ANKRD36C: variants seen among roughly 807,000 people sequenced by gnomAD.
The protein encoded by ANKRD36C is ankyrin repeat domain-containing protein 36C.
Under a neutral mutation model 276.4 loss-of-function variants are expected in ANKRD36C, and 61 were observed. That is an observed-to-expected ratio of 0.22 (90% confidence interval 0.18 to 0.27). The LOEUF (loss-of-function observed/expected upper bound fraction) is 0.27, where lower values mean the gene tolerates loss of function less well. Among genes scored for constraint, ANKRD36C ranks in the 10% least tolerant of loss-of-function variants. The probability of loss-of-function intolerance (pLI) is 1.00; values close to 1 mark genes in which losing one functional copy is unlikely to be tolerated. For missense variants in ANKRD36C, 1,447 were observed against 2,032.3 expected, an observed-to-expected ratio of 0.71 and a Z score of 5.54; for synonymous variants, 483 against 680.1, an observed-to-expected ratio of 0.71 and a Z score of 4.51.
chr2:95,981,963 A>G (rs1376102037), intron 4 of ANKRD36C, among the ~76,000 whole-genome samples: 1 of 152,188 alleles, frequency 6.6e-6, no homozygotes, highest in Non-Finnish European at 1.5e-5. Flanking sequence ...ACCACATCAT[A>G]CTATAAATAA....
rs1415445893 is a variant in ANKRD36C, at chr2:95,906,512, G to C, written c.2653+5732C>G. The C allele has an allele frequency of 1.4e-5, 4 of 288,410 alleles. 1 individual carries two copies. The highest frequency in any genetic ancestry group is 1.2e-4 in the African/African-American group (4 of 34,358). The allele number at this position is 288,410 out of a possible 1,614,324, so 17.9% of individuals were successfully genotyped here. ...AACCCAAGAACTTATTAGAAATGAA[G>C]AATCTCAGGCCTACTGAATCAGAAT... On this transcript the variant is annotated intron_variant, in intron 42 of 66. Transcript: ENST00000456556.
chr2:95,895,665 G>C (rs1316052702), intron 44 of ANKRD36C, 75 bp from the exon 61 acceptor site: 2 of 1,563,152 alleles, frequency 1.3e-6, no homozygotes, highest in Admixed American at 1.8e-5. Flanking sequence ...CACAGTGTTA[G>C]CATCAACCTC....
intron 44 of ANKRD36C, 26 bp from the exon 60 acceptor site, chr2:95,897,368 T>G: frequency 6.4e-7 from 1 of 1,554,582 alleles, no homozygotes; most frequent in Non-Finnish European, 8.7e-7. Context: ...AATGAAATAA[T>G]AAATTAATAA....
intron 44 of ANKRD36C, among the ~76,000 whole-genome samples, chr2:95,894,585 G>C (rs914772395): frequency 1.3e-5 from 2 of 151,338 alleles, no homozygotes; most frequent in African/African-American, 2.4e-5. Context: ...GCCTTGTTGG[G>C]AGTATCATGT....
intron 42 of ANKRD36C, chr2:95,902,908 C>A: frequency 1.3e-6 from 2 of 1,585,976 alleles, no homozygotes; most frequent in Non-Finnish European, 1.7e-6. Context: ...TTTCTCCATA[C>A]TTTTTTCCTC....
intron 6 of ANKRD36C, among the ~76,000 whole-genome samples, chr2:95,962,951 C>G (rs201820215): frequency 1.5e-5 from 2 of 129,870 alleles, no homozygotes; most frequent in Non-Finnish European, 3.4e-5. Context: ...GGAAATACAC[C>G]ATTATACTAC....
intron 1 of ANKRD36C, among the ~76,000 whole-genome samples, chr2:95,990,107 A>G (rs1679107418): frequency 6.6e-6 from 1 of 152,196 alleles, no homozygotes; most frequent in Non-Finnish European, 1.5e-5. Flanking sequence ...ATAAACATGA[A>G]TCAATATAAG....
At chr2:95,957,735 T>A (rs1370022509) in intron 12 of ANKRD36C, among the ~76,000 whole-genome samples, 1 of 152,254 alleles carries the variant, frequency 6.6e-6, no homozygotes, top group Non-Finnish European at 1.5e-5. Flanking sequence ...ATTAAAGAAT[T>A]TAACATTATT....
Position 95,903,088 on chromosome 2 carries a change from A to T in ANKRD36C, c.2654-3752T>A. 6.4e-7 allele frequency: 1 copy of T among 1,563,430 alleles called. No homozygotes were observed. Among genetic ancestry groups the T allele is most frequent in the Non-Finnish European group, 8.7e-7 (1 of 1,153,170 alleles). ...GGTGGTTGCTCTGAAGACACTGAAA[A>T]GTAAAAGGGATTCATAATCACTCAT... On this transcript the variant is annotated intron_variant, in intron 42 of 66. Transcript: ENST00000456556.
chr2:95,876,078 C>G (rs971392675), intron 59 of ANKRD36C: 8 of 350,324 alleles, frequency 2.3e-5, no homozygotes, highest in African/African-American at 1.7e-4. Flanking sequence ...CTCCTTTAAT[C>G]TGAATCCAGT....
chr2:95,888,196 C>T, intron 48 of ANKRD36C, 76 bp from the exon 69 acceptor site: 1 of 1,595,614 alleles, frequency 6.3e-7, no homozygotes, highest in Non-Finnish European at 8.5e-7. Flanking sequence ...GCACTGTTGG[C>T]ATCAAGATGT....
At chr2:95,963,974 T>TAA (rs1558658630) in intron 6 of ANKRD36C, among the ~76,000 whole-genome samples, 213 of 31,752 alleles carry the variant, frequency 6.7e-3, no homozygotes, top group Admixed American at 0.015. Context: ...TATATATAAA[T>TAA]ATATATATAT....
intron 26 of ANKRD36C, among the ~76,000 whole-genome samples, chr2:95,928,796 A>C (rs1315309358): frequency 6.6e-6 from 1 of 151,426 alleles, no homozygotes; most frequent in Non-Finnish European, 1.5e-5. Context: ...ATTAAAGCAA[A>C]ATTATGCTGC....
chr2:95,876,645 A>G (rs1675961531), intron 58 of ANKRD36C, 133 bp from the exon 79 acceptor site: 1 of 613,794 alleles, frequency 1.6e-6, no homozygotes, highest in East Asian at 3.3e-5. Flanking sequence ...AGGTCAGGAG[A>G]TCGAGACCAT....
rs200418948 is a variant in ANKRD36C at position 95,889,724 on chromosome 2, C to A, written c.2959+75G>T. 18 of 1,508,794 alleles carry A rather than the reference C, an allele frequency of 1.2e-5. No individual in the cohort carries two copies. In the East Asian group the frequency reaches 3.5e-4, roughly 29 times the overall value. 93.5% of individuals were successfully genotyped at this position (1,508,794 alleles called of 1,614,324 possible). A position where few individuals can be genotyped will look rare whatever the true frequency, so the allele number is the denominator to read the frequency against. ...GAACATGAAGATTTGACGAACCCCC[C>A]GCTGCTTTATTTGGTGAAGAGAAGA... On this transcript the variant is annotated intron_variant, in intron 48 of 66. Coordinates refer to ENST00000456556, the Ensembl canonical transcript of ANKRD36C.
Position 95,941,233 on chromosome 2 carries a change from A to G in ANKRD36C, c.1492-34T>C, listed in dbSNP as rs185635922. Reference sequence around the variant, plus strand: ...AAAAAAAAAAAGAAATCTTCAGAAAATGTTATATTTACTACTCAATCGGTC... The same window carrying G: ...AAAAAAAAAAAGAAATCTTCAGAAAGTGTTATATTTACTACTCAATCGGTC... On this transcript the variant is annotated intron_variant, in intron 19 of 66. Transcript: ENST00000456556. 44 of 1,473,190 alleles carry G rather than the reference A, an allele frequency of 3.0e-5. No homozygotes were observed. In the East Asian group the frequency reaches 9.3e-4, roughly 31 times the overall value. 91.3% of individuals were successfully genotyped at this position (1,473,190 alleles called of 1,614,324 possible).
chr2:95,982,038 T>G (rs543934934), intron 4 of ANKRD36C, among the ~76,000 whole-genome samples: 20 of 152,166 alleles, frequency 1.3e-4, no homozygotes, highest in African/African-American at 4.1e-4. Context: ...AATGTCTATA[T>G]AGAGAGATGA....
chr2:95,910,761 T>TTTCATGGA (rs1227180956), intron 42 of ANKRD36C, among the ~76,000 whole-genome samples, 193 bp from the exon 45 acceptor site: 2 of 151,384 alleles, frequency 1.3e-5, no homozygotes, highest in South Asian at 4.1e-4. Flanking sequence ...CTCCATGAAA[T>TTTCATGGA]ATACCCTTAC....
At chr2:95,966,836 C>T (rs1175662026) in intron 6 of ANKRD36C, among the ~76,000 whole-genome samples, 2 of 152,056 alleles carry the variant, frequency 1.3e-5, no homozygotes, top group Non-Finnish European at 2.9e-5. Flanking sequence ...CTCTTATTTC[C>T]TTGAGTGGTG....
Sources: allele counts gnomAD v4.1 joint callset (sites outside exome capture counted in the v4.1 genomes callset), GRCh38; gene constraint gnomAD v4.1.1; transcripts MANE v1.5; gene names NCBI Gene and HGNC (gene_info 2026-07-23, HGNC 2026-07-21).